The following RUBCNL variants were observed in gnomAD, a reference collection of about 807,000 sequenced individuals.
The protein encoded by RUBCNL is rubicon like autophagy enhancer.
A neutral mutation model predicts 69.5 loss-of-function variants in RUBCNL; 62 were observed. The observed-to-expected ratio is 0.89, with a 90% CI of 0.73 to 1.10. The LOEUF is 1.10. Among genes scored for constraint, RUBCNL ranks in the 50% least tolerant of loss-of-function variants. The pLI, the probability that RUBCNL is intolerant of heterozygous loss-of-function variation, is 0.00. For synonymous variants in RUBCNL, 291 were observed against 303.6 expected (o/e 0.96, Z 0.43); for missense variants, 768 against 798.1 (o/e 0.96, Z 0.45).
intron 2 of RUBCNL, among the ~76,000 whole-genome samples, chr13:46,377,466 G>A (rs1334767336): frequency 6.6e-6 from 1 of 152,192 alleles, no homozygotes; most frequent in Non-Finnish European, 1.5e-5. Context: ...GTTTCACCAT[G>A]TTGGCCAGGT....
intron 1 of RUBCNL, among the ~76,000 whole-genome samples, chr13:46,380,373 G>C (rs1449825304): frequency 6.6e-6 from 1 of 152,210 alleles, no homozygotes; most frequent in African/African-American, 2.4e-5. Context: ...ATTATGCCAA[G>C]TTGAGAACTG....
intron 7 of RUBCNL, among the ~76,000 whole-genome samples, 156 bp downstream of exon 7, chr13:46,362,382 G>A (rs553499562): frequency 9.2e-5 from 14 of 152,288 alleles, no homozygotes; most frequent in African/African-American, 3.1e-4. Context: ...CTTTGGGGGT[G>A]ATTGTTTCAT....
intron 5 of RUBCNL, among the ~76,000 whole-genome samples, chr13:46,366,217 GACCA>G (rs2048751939): frequency 1.3e-5 from 2 of 152,204 alleles, no homozygotes; most frequent in Admixed American, 1.3e-4. Context: ...GGCTGCATCT[GACCA>G]ACCAGTTATG....
At chr13:46,368,001 A>G (rs2048796358) in intron 5 of RUBCNL, 41 bp downstream of exon 5, 1 of 1,566,250 alleles carries the variant, frequency 6.4e-7, no homozygotes, top group African/African-American at 1.4e-5. Context: ...GATATATGTG[A>G]AACACATAAC....
intron 2 of RUBCNL, among the ~76,000 whole-genome samples, chr13:46,377,656 T>C (rs998633213): frequency 3.9e-5 from 6 of 152,252 alleles, no homozygotes; most frequent in Admixed American, 6.5e-5. Flanking sequence ...CCTAAGTGAA[T>C]TGAGCAAAAA....
intron 12 of RUBCNL, among the ~76,000 whole-genome samples, chr13:46,347,999 AAAG>A (rs2048286327): frequency 6.6e-6 from 1 of 152,176 alleles, no homozygotes; most frequent in African/African-American, 2.4e-5. Context: ...TCTCAAAAAA[AAAG>A]AAGGAAGGAA....
Position 46,338,007 on chromosome 13 carries a change from C to T in RUBCNL, c.*5378G>A, listed in dbSNP as rs373898873. 2.2e-3 allele frequency among the ~76,000 whole-genome samples: 338 copies of T among 152,164 alleles called. 4 individuals carry two copies. The highest frequency in any genetic ancestry group is 0.012 in the South Asian group (56 of 4,812). On this transcript the variant is annotated 3_prime_UTR_variant, in exon 15 of 15. Transcript: ENST00000429979. ...GGCTGCCAAAAGTTCAGAGAGCTGTCCCCAGTAGAATAATGAGGTAAATGC... is the reference window on the plus strand; with the variant it reads ...GGCTGCCAAAAGTTCAGAGAGCTGTTCCCAGTAGAATAATGAGGTAAATGC...
At chr13:46,358,295 G>C (rs575744842) in intron 9 of RUBCNL, among the ~76,000 whole-genome samples, 2 of 152,148 alleles carry the variant, frequency 1.3e-5, no homozygotes, top group African/African-American at 4.8e-5. Context: ...AACCCTCACC[G>C]GTCCCTTTGT....
At chr13:46,376,586 T>C (rs539484999) in intron 2 of RUBCNL, among the ~76,000 whole-genome samples, 2 of 152,168 alleles carry the variant, frequency 1.3e-5, no homozygotes, top group Non-Finnish European at 2.9e-5. Flanking sequence ...CCAATAATTC[T>C]GGATTTTATA....
At chr13:46,366,414 G>C (rs1594163856) in intron 5 of RUBCNL, among the ~76,000 whole-genome samples, 1 of 152,190 alleles carries the variant, frequency 6.6e-6, no homozygotes, top group Non-Finnish European at 1.5e-5. Context: ...GCAATTGCTA[G>C]AAAAGAAGAG....
chr13:46,340,634 C>G lies in RUBCNL; in HGVS notation c.*2751G>C, dbSNP rs2048134983. 6.6e-6 allele frequency among the ~76,000 whole-genome samples: 1 copy of G among 152,166 alleles called. No individual in the cohort carries two copies. The highest frequency in any genetic ancestry group is 2.4e-5 in the African/African-American group (1 of 41,438). Reference sequence around the variant, plus strand: ...TTAATTTGGCTTATGGTTCTGCGGGCTGTACAAGCATCGCACCAATATCTG... The same window carrying G: ...TTAATTTGGCTTATGGTTCTGCGGGGTGTACAAGCATCGCACCAATATCTG... On this transcript the variant is annotated 3_prime_UTR_variant, in exon 15 of 15. Coordinates refer to ENST00000429979, the MANE Select transcript of RUBCNL (RefSeq NM_025113.5).
At chr13:46,346,106 T>C (rs2048240216) in intron 12 of RUBCNL, among the ~76,000 whole-genome samples, 1 of 152,192 alleles carries the variant, frequency 6.6e-6, no homozygotes, top group East Asian at 1.9e-4. Context: ...TGCAGCCAAC[T>C]GCCAGTGGTC....
chr13:46,343,414 G>C lies in RUBCNL; in HGVS notation c.1960C>G (p.Leu654Val), dbSNP rs915360343. 1 of 1,613,832 alleles carries C rather than the reference G, an allele frequency of 6.2e-7. No homozygotes were observed. Among genetic ancestry groups the C allele is most frequent in the Non-Finnish European group, 8.5e-7 (1 of 1,179,842 alleles). The part of the protein sequence containing the change: ...CARITARRKL[L>V]ESVASAAT ...GTTGCTGCAGAGGCCACACTTTCCA[G>C]AAGTTTTCTCCTCGCTGTGATCCTC... Residue 654 changes from leucine to valine, a missense_variant, in exon 15 of 15, where the codon CTG becomes GTG. By Grantham distance (32) the Leu-to-Val change is conservative (BLOSUM62 1). Transcript: ENST00000429979.
At chr13:46,385,882 A>C in intron 1 of RUBCNL, among the ~76,000 whole-genome samples, 1 of 152,130 alleles carries the variant, frequency 6.6e-6, no homozygotes, top group East Asian at 1.9e-4. Flanking sequence ...CCCACTTTGT[A>C]AAGGCCCTAA....
chr13:46,361,524 G>A lies in RUBCNL; in HGVS notation c.1036C>T (p.Leu346=), dbSNP rs2048610437. The change falls in exon 8 of 15, where the codon CTG becomes TTG. Residue 346 remains leucine, a synonymous_variant. Transcript: ENST00000429979. ...CAGCACTTCTGGAACACGCGGTACA[G>A]CTCTTTGGCTAATAGTTCTGCAGAA... ...FNSAELLAKE[L]YRVFQKCWIL... is the part of the protein sequence containing the mutation. 2 of 1,612,040 alleles carry A rather than the reference G, an allele frequency of 1.2e-6. No individual in the cohort carries two copies. Among genetic ancestry groups the A allele is most frequent in the Non-Finnish European group, 1.7e-6 (2 of 1,178,900 alleles).
In RUBCNL at chr13:46,361,490, G is replaced by C; in HGVS notation, c.1070C>G (p.Ser357Ter). 2 of 1,613,954 alleles carry C rather than the reference G, an allele frequency of 1.2e-6. No homozygotes were observed. Among genetic ancestry groups the C allele is most frequent in the Non-Finnish European group, 1.7e-6 (2 of 1,179,854 alleles). Reference protein sequence around the residue: ...YRVFQKCWILSVVNSQLAGSL... With the variant: ...YRVFQKCWIL ...ACCTGCCAGCTGAGAATTAACTACT[G>C]ACAGTATCCAGCACTTCTGGAACAC... is the stretch of plus-strand genomic sequence containing the variant. Residue 357 changes from serine (S) to a stop codon, truncating the protein, a stop_gained, in exon 8 of 15, where the codon TCA becomes TGA. Transcript: ENST00000429979. LOFTEE classifies it high-confidence loss of function.
rs199528012 is a variant in RUBCNL, at chr13:46,335,238, TC to T, written c.*8146del. On this transcript the variant is annotated 3_prime_UTR_variant, in exon 15 of 15. Transcript: ENST00000429979. The stretch of plus-strand genomic sequence containing the variant: ...CACCATTGTGCCCAGCTAATTTGTG[TC>T]TTTTTGTTGTTGTTGTTGTTGTTTT... Among the ~76,000 whole-genome samples the T allele has an allele frequency of 6.5e-3, 827 of 127,948 alleles. 47 individuals carry two copies. Among genetic ancestry groups the T allele is most frequent in the African/African-American group, 0.019 (654 of 34,276 alleles). The allele number at this position is 127,948 out of a possible 152,430, so 83.9% of individuals were successfully genotyped here. A position where few individuals can be genotyped will look rare whatever the true frequency, so the allele number is the denominator to read the frequency against.
intron 9 of RUBCNL, among the ~76,000 whole-genome samples, chr13:46,358,303 T>C (rs1194977998): frequency 6.6e-5 from 10 of 152,224 alleles, no homozygotes; most frequent in Non-Finnish European, 1.5e-5. Context: ...CCGGTCCCTT[T>C]GTAATGCTTG....
rs375404403 is a variant in RUBCNL at position 46,341,213 on chromosome 13, G to A, written c.*2172C>T. 3.8e-4 allele frequency among the ~76,000 whole-genome samples: 58 copies of A among 152,308 alleles called. No homozygotes were observed. In the East Asian group the frequency reaches 7.1e-3, roughly 19 times the overall value. Reference sequence around the variant, plus strand: ...AGAAAATGAATCACTGACCTTTACAGCACTGCAACTGATGCCTCACAGTGG... The same window carrying A: ...AGAAAATGAATCACTGACCTTTACAACACTGCAACTGATGCCTCACAGTGG... On this transcript the variant is annotated 3_prime_UTR_variant, in exon 15 of 15. Coordinates refer to ENST00000429979, the MANE Select transcript of RUBCNL (RefSeq NM_025113.5).
Sources: gnomAD v4.1 joint callset for allele counts (sites outside exome capture counted in the v4.1 genomes callset) on GRCh38, gnomAD v4.1.1 for gene constraint, MANE v1.5 for transcripts, NCBI Gene and HGNC (gene_info 2026-07-23, HGNC 2026-07-21) for gene names.